The following NTRK3 variants were observed in gnomAD, a reference collection of about 807,000 sequenced individuals.
The protein encoded by NTRK3 is NT-3 growth factor receptor.
NTRK3 carries 24 observed loss-of-function variants against 91.7 expected under a neutral mutation model. The observed-to-expected ratio is 0.26, with a 90% CI of 0.19 to 0.37. The LOEUF is 0.37. Ranked by LOEUF, NTRK3 falls within the 10% of genes least tolerant of loss-of-function variation. The probability of loss-of-function intolerance (pLI) is 1.00; values close to 1 mark genes in which losing one functional copy is unlikely to be tolerated. For missense variants in NTRK3, 880 were observed against 1,068.9 expected (o/e 0.82, Z 2.46); for synonymous variants, 483 against 404.0 (o/e 1.20, Z -2.34).
intron 17 of NTRK3, among the ~76,000 whole-genome samples, chr15:87,900,956 G>A (rs7161877): frequency 0.011 from 1,689 of 152,210 alleles, 35 homozygotes; most frequent in African/African-American, 0.039. Flanking sequence ...GCCCCTCCTG[G>A]CCCTGTGAGA....
chr15:88,246,327 GAC>G (rs1300150012), intron 3 of NTRK3, among the ~76,000 whole-genome samples: 7 of 152,216 alleles, frequency 4.6e-5, no homozygotes, highest in African/African-American at 1.7e-4. Flanking sequence ...TCCTAAAGCA[GAC>G]ACGGGATCTG....
chr15:87,921,228 C>T (rs1364813372), intron 17 of NTRK3, among the ~76,000 whole-genome samples: 1 of 152,132 alleles, frequency 6.6e-6, no homozygotes, highest in South Asian at 2.1e-4. Context: ...AGAATGATTA[C>T]GATATTTCAA....
chr15:88,232,887 C>A (rs1047334835), intron 3 of NTRK3, among the ~76,000 whole-genome samples: 3 of 152,262 alleles, frequency 2.0e-5, no homozygotes, highest in Middle Eastern at 3.4e-3. Flanking sequence ...CCCCACACAC[C>A]CAGGAACCCA....
intron 14 of NTRK3, among the ~76,000 whole-genome samples, chr15:87,970,141 C>T (rs576267310): frequency 2.6e-5 from 4 of 152,134 alleles, no homozygotes; most frequent in Non-Finnish European, 5.9e-5. Context: ...GTAACTTACC[C>T]CATGTCATTT....
chr15:87,894,417 AG>A (rs2066002280), intron 17 of NTRK3, among the ~76,000 whole-genome samples: 2 of 152,228 alleles, frequency 1.3e-5, no homozygotes, highest in Admixed American at 1.3e-4. Context: ...GAGGTGGTTT[AG>A]ATGGACATGT....
intron 13 of NTRK3, among the ~76,000 whole-genome samples, chr15:88,066,548 C>G (rs1211714986): frequency 6.6e-6 from 1 of 152,146 alleles, no homozygotes; most frequent in African/African-American, 2.4e-5. Flanking sequence ...ATTTGTCCAA[C>G]AGAACTGCAA....
At chr15:87,949,455 A>G (rs534218936) in intron 14 of NTRK3, among the ~76,000 whole-genome samples, 1 of 152,254 alleles carries the variant, frequency 6.6e-6, no homozygotes, top group South Asian at 2.1e-4. Context: ...ACACCGAGAC[A>G]CTGTGTTCCC....
chr15:87,929,355 G>T lies in NTRK3; in HGVS notation c.1969C>A (p.Leu657Ile), dbSNP rs747160751. 3 of 1,614,172 alleles carry T rather than the reference G, an allele frequency of 1.9e-6. No individual in the cohort carries two copies. In the African/African-American group the frequency reaches 4.0e-5, roughly 22 times the overall value. ...GAGGCGATCTGACTGGCAATGTGGA[G>T]CATTTGGGAGAGCCCCAGCTCACCC... Residue 657 changes from leucine (L) to isoleucine (I), a missense_variant, in exon 17 of 19, where the codon CTC becomes ATC. Physicochemically the swap from Leu to Ile is conservative, Grantham distance 5. Transcript: ENST00000394480.
chr15:87,946,754 G>A (rs575881140), intron 14 of NTRK3, among the ~76,000 whole-genome samples: 77 of 151,892 alleles, frequency 5.1e-4, no homozygotes, highest in African/African-American at 1.7e-3. Context: ...CCTTTAGCTC[G>A]TTGTTATCCC....
At chr15:88,020,109 T>G (rs1157775190) in intron 14 of NTRK3, among the ~76,000 whole-genome samples, 1 of 152,164 alleles carries the variant, frequency 6.6e-6, no homozygotes, top group Non-Finnish European at 1.5e-5. Flanking sequence ...ATATGAGAAC[T>G]CAGCGTAAAG....
intron 14 of NTRK3, among the ~76,000 whole-genome samples, chr15:87,945,726 G>T (rs936946762): frequency 6.7e-6 from 1 of 149,880 alleles, no homozygotes; most frequent in East Asian, 2.0e-4. Context: ...GGCATAAACT[G>T]CTCAGCCCTG....
chr15:88,042,100 T>C (rs889354696), intron 13 of NTRK3, among the ~76,000 whole-genome samples: 1 of 152,186 alleles, frequency 6.6e-6, no homozygotes, highest in Non-Finnish European at 1.5e-5. Context: ...CTTTTCCTAC[T>C]GATAGAAATC....
chr15:88,067,340 G>A (rs1489597969), intron 13 of NTRK3, among the ~76,000 whole-genome samples: 2 of 152,082 alleles, frequency 1.3e-5, no homozygotes, highest in African/African-American at 2.4e-5. Flanking sequence ...TGGTTTCCAT[G>A]TATTTATCTC....
chr15:88,156,901 T>C (rs2043955746), intron 5 of NTRK3, among the ~76,000 whole-genome samples: 1 of 152,162 alleles, frequency 6.6e-6, no homozygotes, highest in African/African-American at 2.4e-5. Flanking sequence ...AACTCTTTCA[T>C]CTGAAGGGAC....
chr15:87,864,428 G>A (rs2141381090), exon 19 of NTRK3: 1 of 230,476 alleles, frequency 4.3e-6, no homozygotes, highest in East Asian at 6.2e-5. Context: ...TGTTGTGCCT[G>A]TTAACATATC....
At chr15:88,104,703 T>G (rs1385770877) in intron 13 of NTRK3, among the ~76,000 whole-genome samples, 1 of 152,206 alleles carries the variant, frequency 6.6e-6, no homozygotes, top group African/African-American at 2.4e-5. Flanking sequence ...CTCTTCCTAC[T>G]GCCAATCCTG....
intron 3 of NTRK3, among the ~76,000 whole-genome samples, chr15:88,213,057 GT>G (rs2049401502): frequency 6.6e-6 from 1 of 152,238 alleles, no homozygotes; most frequent in African/African-American, 2.4e-5. Flanking sequence ...TTAAGCCATA[GT>G]AAAAATGTGC....
intron 13 of NTRK3, among the ~76,000 whole-genome samples, chr15:88,103,980 C>T (rs536879766): frequency 1.3e-5 from 2 of 152,324 alleles, no homozygotes; most frequent in South Asian, 4.1e-4. Context: ...CTTAGGTTTT[C>T]TGTGCTACTA....
chr15:88,039,440 T>C (rs2079397200), intron 13 of NTRK3, among the ~76,000 whole-genome samples: 2 of 152,168 alleles, frequency 1.3e-5, no homozygotes, highest in South Asian at 2.1e-4. Flanking sequence ...AACCATATCA[T>C]AACAGAACCA....
Sources: allele counts gnomAD v4.1 joint callset (sites outside exome capture counted in the v4.1 genomes callset), GRCh38; gene constraint gnomAD v4.1.1; transcripts MANE v1.5; gene names NCBI Gene and HGNC (gene_info 2026-07-23, HGNC 2026-07-21).